Variants in PDCD1LG2 observed in about 807,000 individuals in gnomAD.
The protein encoded by PDCD1LG2 is B7 dendritic cell molecule.
In PDCD1LG2, 32 loss-of-function variants were observed where a neutral mutation model predicts 28.2. The ratio of observed to expected loss-of-function variants is 1.13; its 90% CI spans 0.86 to 1.52. The LOEUF (loss-of-function observed/expected upper bound fraction) is 1.52, where lower values mean the gene tolerates loss of function less well. Among genes scored for constraint, PDCD1LG2 ranks in the 40% most tolerant of loss-of-function variants. The pLI is 0.00. For missense variants in PDCD1LG2, 385 were observed against 323.8 expected (o/e 1.19, Z -1.45); for synonymous variants, 116 against 120.2 (o/e 0.97, Z 0.23).
intron 1 of PDCD1LG2, among the ~76,000 whole-genome samples, chr9:5,521,419 T>C (rs1355787914): frequency 2.0e-5 from 3 of 152,240 alleles, no homozygotes; most frequent in Non-Finnish European, 4.4e-5. Context: ...ATATCAATTA[T>C]ACTTTAATAA....
intron 2 of PDCD1LG2, among the ~76,000 whole-genome samples, chr9:5,531,272 G>A (rs528005522): frequency 6.6e-6 from 1 of 152,266 alleles, no homozygotes; most frequent in East Asian, 1.9e-4. Context: ...GATTGCCTCT[G>A]TAACTTACAA....
rs541788823 is a variant in PDCD1LG2, at chr9:5,549,454, C to G, written c.481C>G (p.Pro161Ala). The G allele has an allele frequency of 5.0e-6, 8 of 1,614,212 alleles. No individual in the cohort carries two copies. In the African/African-American group the frequency reaches 1.1e-4, roughly 22 times the overall value. The stretch of plus-strand genomic sequence containing the variant: ...AGTATCCTGGCCAAACGTCAGCGTT[C>G]CTGCCAACACCAGCCACTCCAGGAC... Reference protein sequence around the residue: ...AEVSWPNVSVPANTSHSRTPE... With the variant: ...AEVSWPNVSVAANTSHSRTPE... The change falls in exon 4 of 7, where the codon CCT (proline) becomes GCT (alanine). Residue 161 changes from proline to alanine, a missense_variant. By Grantham distance (27) the Pro-to-Ala change is conservative. Transcript: ENST00000397747.
intron 1 of PDCD1LG2, 127 bp downstream of exon 1, chr9:5,510,930 A>G (rs976667355): frequency 1.3e-5 from 2 of 152,698 alleles, no homozygotes; most frequent in African/African-American, 4.8e-5. Flanking sequence ...ATTCTGCCTC[A>G]GAAATTGTGC....
chr9:5,543,057 G>A (rs554419441), intron 3 of PDCD1LG2, among the ~76,000 whole-genome samples: 2 of 152,180 alleles, frequency 1.3e-5, no homozygotes, highest in Admixed American at 1.3e-4. Context: ...TGAAATCATA[G>A]CATTTGCAGC....
intron 1 of PDCD1LG2, among the ~76,000 whole-genome samples, chr9:5,513,359 T>C (rs771592380): frequency 6.6e-6 from 1 of 152,258 alleles, no homozygotes; most frequent in Non-Finnish European, 1.5e-5. Context: ...CCTACCCCTC[T>C]GGGAAGTCTC....
intron 1 of PDCD1LG2, among the ~76,000 whole-genome samples, chr9:5,512,629 A>G (rs1049237688): frequency 2.0e-5 from 3 of 152,100 alleles, no homozygotes; most frequent in Non-Finnish European, 4.4e-5. Context: ...TGGTTCATTC[A>G]TTCCTCAATA....
chr9:5,522,683 C>A (rs2129727755), intron 2 of PDCD1LG2, 82 bp downstream of exon 2: 1 of 1,308,426 alleles, frequency 7.6e-7, no homozygotes, highest in Non-Finnish European at 1.1e-6. Context: ...GAATGTGGCC[C>A]TCAGGCTGAG....
chr9:5,566,943 T>C (rs1448612247), intron 6 of PDCD1LG2, among the ~76,000 whole-genome samples: 1 of 152,236 alleles, frequency 6.6e-6, no homozygotes, highest in Non-Finnish European at 1.5e-5. Context: ...AGTAAAAATA[T>C]GAAAATGCCT....
intron 6 of PDCD1LG2, among the ~76,000 whole-genome samples, chr9:5,568,927 G>A (rs1029582255): frequency 5.3e-5 from 8 of 152,188 alleles, no homozygotes; most frequent in African/African-American, 1.7e-4. Flanking sequence ...AATCAGGGAA[G>A]AAGAAAGTTT....
intron 2 of PDCD1LG2, among the ~76,000 whole-genome samples, chr9:5,522,875 A>C (rs1167440113): frequency 6.6e-6 from 1 of 152,182 alleles, no homozygotes; most frequent in Non-Finnish European, 1.5e-5. Flanking sequence ...GATCACTCAG[A>C]CCATGTAAAT....
intron 5 of PDCD1LG2, among the ~76,000 whole-genome samples, chr9:5,561,042 G>T (rs552534564): frequency 6.6e-6 from 1 of 152,072 alleles, no homozygotes; most frequent in African/African-American, 2.4e-5. Flanking sequence ...ACCAATATAT[G>T]CCCAGTGTCT....
intron 6 of PDCD1LG2, among the ~76,000 whole-genome samples, 170 bp downstream of exon 6, chr9:5,563,381 C>A (rs1816604853): frequency 6.6e-6 from 1 of 152,220 alleles, no homozygotes; most frequent in Non-Finnish European, 1.5e-5. Flanking sequence ...AGCCCCAGAA[C>A]AATCATGCCA....
chr9:5,540,411 CA>C (rs999180003), intron 3 of PDCD1LG2, among the ~76,000 whole-genome samples: 2 of 149,670 alleles, frequency 1.3e-5, no homozygotes, highest in Non-Finnish European at 1.5e-5. Context: ...GAAATTGAAA[CA>C]AAAAAAATAC....
intron 1 of PDCD1LG2, among the ~76,000 whole-genome samples, chr9:5,521,244 T>A (rs1301022972): frequency 3.3e-5 from 5 of 152,144 alleles, no homozygotes; most frequent in African/African-American, 1.2e-4. Flanking sequence ...TTTCTGCTAA[T>A]GGGTAAGGGG....
chr9:5,532,512 C>G (rs1820502294), intron 2 of PDCD1LG2, among the ~76,000 whole-genome samples: 1 of 152,140 alleles, frequency 6.6e-6, no homozygotes, highest in Non-Finnish European at 1.5e-5. Flanking sequence ...CTCTTTCTGT[C>G]ATTTATTTGC....
intron 4 of PDCD1LG2, 107 bp from the exon 5 acceptor site, chr9:5,557,511 G>A: frequency 1.6e-6 from 2 of 1,285,232 alleles, no homozygotes; most frequent in Non-Finnish European, 1.1e-6. Context: ...TGGAGTAAAT[G>A]CTCCACAGAG....
At chr9:5,545,348 G>C (rs1816168928) in intron 3 of PDCD1LG2, among the ~76,000 whole-genome samples, 1 of 152,242 alleles carries the variant, frequency 6.6e-6, no homozygotes, top group African/African-American at 2.4e-5. Flanking sequence ...CCAATGGGTA[G>C]AAGCTACAAA....
chr9:5,542,741 T>A (rs368835013), intron 3 of PDCD1LG2, among the ~76,000 whole-genome samples: 1 of 152,176 alleles, frequency 6.6e-6, no homozygotes, highest in Admixed American at 6.5e-5. Context: ...GAATGTAAAC[T>A]AGTACAACCA....
chr9:5,545,182 A>C (rs1816162862), intron 3 of PDCD1LG2, among the ~76,000 whole-genome samples: 2 of 152,252 alleles, frequency 1.3e-5, no homozygotes, highest in Admixed American at 1.3e-4. Context: ...GTTAAGGATA[A>C]GTATTGCTGT....
Sources: allele counts gnomAD v4.1 joint callset (sites outside exome capture counted in the v4.1 genomes callset), GRCh38; gene constraint gnomAD v4.1.1; transcripts MANE v1.5; gene names NCBI Gene and HGNC (gene_info 2026-07-23, HGNC 2026-07-21).